HCN2: variants seen among roughly 807,000 people sequenced by gnomAD.
The protein encoded by HCN2 is potassium/sodium hyperpolarization-activated cyclic nucleotide-gated channel 2.
HCN2 carries 20 observed loss-of-function variants against 52.3 expected under a neutral mutation model. The observed-to-expected ratio is 0.38, with a 90% confidence interval of 0.27 to 0.56. The LOEUF (loss-of-function observed/expected upper bound fraction) is 0.56, where lower values mean the gene tolerates loss of function less well. Ranked by LOEUF, HCN2 falls within the 20% of genes least tolerant of loss-of-function variation. The pLI, the probability that HCN2 is intolerant of heterozygous loss-of-function variation, is 0.71. For synonymous variants in HCN2, 694 were observed against 537.0 expected (o/e 1.29, Z -4.04); for missense variants, 981 against 1,207.7 (o/e 0.81, Z 2.78).
At position 607,969 on chromosome 19, in the gene HCN2, C is replaced by G. The variant is rs757678695; in HGVS notation, c.1224C>G (p.His408Gln). 6.2e-7 allele frequency: 1 copy of G among 1,610,810 alleles called. No individual in the cohort carries two copies. ...CWVSINGMVN[H>Q]SWSELYSFAL... ...CCCTCCTGCTGGCCTTGCAGAACCA[C>G]TCGTGGAGTGAACTGTACTCCTTCG... The change falls in exon 4 of 8, where the codon CAC (histidine) becomes CAG (glutamine). Residue 408 changes from histidine (H) to glutamine (Q), a missense_variant. Around this residue, in one of 6 missense-constraint regions of HCN2, gnomAD observed 282 missense variants for 553.8 expected, o/e 0.51. Transcript: ENST00000251287.
intron 1 of HCN2, among the ~76,000 whole-genome samples, chr19:596,878 C>G (rs1983046482): frequency 6.6e-6 from 1 of 152,090 alleles, no homozygotes; most frequent in Non-Finnish European, 1.5e-5. Flanking sequence ...GTCACTCAGT[C>G]TAGTGTTGGG....
chr19:613,154 CTG>C (rs979208618), intron 5 of HCN2, 92 bp from the exon 6 acceptor site: 97 of 1,446,268 alleles, frequency 6.7e-5, no homozygotes, highest in Middle Eastern at 4.9e-4. Context: ...GACGAGGAAA[CTG>C]GGGTCCGAGA....
chr19:615,983 A>C lies in HCN2; in HGVS notation c.2179A>C (p.Ile727Leu), dbSNP rs756914654. Residue 727 changes from isoleucine (I) to leucine (L), a missense_variant, in exon 8 of 8, where the codon ATC (isoleucine) becomes CTC (leucine). Coordinates refer to ENST00000251287, the MANE Select transcript of HCN2 (RefSeq NM_001194.4). The stretch of plus-strand genomic sequence containing the variant: ...GCCGCCGCCGCAGGTCACCTCGGCC[A>C]TCGCCACGCTGCAGCAGGCGGCGGC... Reference protein sequence around the residue: ...PPPPPQVTSAIATLQQAAAMS... With the variant: ...PPPPPQVTSALATLQQAAAMS... 26 of 1,591,932 alleles carry C rather than the reference A, an allele frequency of 1.6e-5. No individual in the cohort carries two copies. The highest frequency in any genetic ancestry group is 8.5e-7 in the Non-Finnish European group (1 of 1,172,668).
chr19:606,898 G>A (rs1190775034), intron 3 of HCN2, among the ~76,000 whole-genome samples: 24 of 146,286 alleles, frequency 1.6e-4, no homozygotes, highest in African/African-American at 5.2e-5. Context: ...GAGGCCGGGC[G>A]CGGTGGCTCA....
At chr19:614,684 G>A (rs116242799) in intron 7 of HCN2, among the ~76,000 whole-genome samples, 1,524 of 152,164 alleles carry the variant, frequency 0.01, 28 homozygotes, top group African/African-American at 0.034. Context: ...GTGGGCGGCA[G>A]GGAGAGTTTA....
intron 4 of HCN2, 52 bp downstream of exon 4, chr19:608,234 G>A (rs933497650): frequency 5.2e-6 from 8 of 1,532,032 alleles, no homozygotes; most frequent in African/African-American, 1.4e-5. Context: ...GGCGGGCCTG[G>A]ATCTGGGGTC....
intron 5 of HCN2, among the ~76,000 whole-genome samples, chr19:612,395 T>TGGGTGG (rs1309811893): frequency 3.6e-4 from 14 of 38,464 alleles, no homozygotes; most frequent in South Asian, 6.0e-4. Context: ...TTTCCACTGG[T>TGGGTGG]GTGTGTGTGT....
intron 1 of HCN2, among the ~76,000 whole-genome samples, chr19:599,592 A>T (rs1983137083): frequency 6.6e-6 from 1 of 151,820 alleles, no homozygotes. Flanking sequence ...ATCCTGGCTA[A>T]CATGGTGAAA....
intron 3 of HCN2, among the ~76,000 whole-genome samples, chr19:607,334 C>T (rs1401454667): frequency 6.6e-6 from 1 of 152,238 alleles, no homozygotes; most frequent in Non-Finnish European, 1.5e-5. Flanking sequence ...TGTGCCCCAG[C>T]GTCCAGCCAC....
Position 613,416 on chromosome 19 carries a change from C to T in HCN2, c.1753C>T (p.Gln585Ter). Residue 585 changes from glutamine (Q) to a stop codon, truncating the protein, a stop_gained, in exon 6 of 8, where the codon CAG becomes TAG. Transcript: ENST00000251287. LOFTEE classifies it high-confidence loss of function. ...CATCGGGAAGAAGATGTACTTCATC[C>T]AGCACGGCGTGGTCAGCGTGCTCAC... Reference protein sequence around the residue: ...GTIGKKMYFIQHGVVSVLTKG... With the variant: ...GTIGKKMYFI 6.2e-7 allele frequency: 1 copy of T among 1,612,234 alleles called. No individual in the cohort carries two copies. Among genetic ancestry groups the T allele is most frequent in the South Asian group, 1.1e-5 (1 of 91,016 alleles).
intron 5 of HCN2, among the ~76,000 whole-genome samples, chr19:612,841 G>A (rs1392106357): frequency 8.2e-5 from 10 of 122,060 alleles, no homozygotes; most frequent in Non-Finnish European, 1.7e-4. Flanking sequence ...ACCACGCCTG[G>A]CTGTTTTTTT....
chr19:604,717 G>GAT (rs1983350238), intron 2 of HCN2, among the ~76,000 whole-genome samples: 1 of 91,302 alleles, frequency 1.1e-5, no homozygotes, highest in African/African-American at 5.4e-5. Flanking sequence ...CTGGGGCAGG[G>GAT]CCAGACATCA....
chr19:596,804 G>T (rs1415241747), intron 1 of HCN2, among the ~76,000 whole-genome samples: 2 of 152,082 alleles, frequency 1.3e-5, no homozygotes, highest in Non-Finnish European at 2.9e-5. Flanking sequence ...CCCCTCTCTG[G>T]GGTCCTGTCT....
intron 5 of HCN2, among the ~76,000 whole-genome samples, chr19:612,013 T>C (rs989940360): frequency 2.6e-5 from 4 of 151,868 alleles, no homozygotes; most frequent in African/African-American, 4.8e-5. Flanking sequence ...GGCGTGGTGG[T>C]GGGCGCCTGT....
intron 3 of HCN2, among the ~76,000 whole-genome samples, chr19:605,924 T>C (rs958385246): frequency 3.9e-5 from 6 of 152,164 alleles, no homozygotes; most frequent in Non-Finnish European, 8.8e-5. Context: ...GCCCCGGCAC[T>C]GGCCCCTTAA....
chr19:615,334 C>G (rs965482763), intron 7 of HCN2, among the ~76,000 whole-genome samples: 1 of 151,354 alleles, frequency 6.6e-6, no homozygotes, highest in Non-Finnish European at 1.5e-5. Context: ...ATGGTGAAAC[C>G]CCGTCTCTAC....
chr19:608,753 A>G (rs7252916), intron 4 of HCN2, among the ~76,000 whole-genome samples: 10,217 of 151,810 alleles, frequency 0.067, 771 homozygotes, highest in African/African-American at 0.17. Context: ...GGGCTGGGTT[A>G]GGGAAGGGCC....
Position 591,770 on chromosome 19 carries a change from C to T in HCN2, c.632+1193C>T, listed in dbSNP as rs1982881208. On this transcript the variant is annotated intron_variant, in intron 1 of 7. Coordinates refer to ENST00000251287, the MANE Select transcript of HCN2 (RefSeq NM_001194.4). This position sits in a 1 kb window ranked among gnomAD's most constrained non-coding sequence, Gnocchi z 4.1. ...GCGCCCCAGGACAGCCCCCACGGAC[C>T]CTGGACCCCCGGAACTGGGCAGGGA... Among the ~76,000 whole-genome samples the T allele has an allele frequency of 6.6e-6, 1 of 152,154 alleles. No individual in the cohort carries two copies. The highest frequency in any genetic ancestry group is 1.5e-5 in the Non-Finnish European group (1 of 68,012).
chr19:593,036 C>T (rs1375547778), intron 1 of HCN2, among the ~76,000 whole-genome samples: 4 of 152,180 alleles, frequency 2.6e-5, no homozygotes, highest in African/African-American at 9.6e-5. Flanking sequence ...GTCTCACACT[C>T]TCTTCACCTC....
Sources: gnomAD v4.1 joint callset for allele counts (sites outside exome capture counted in the v4.1 genomes callset) on GRCh38, gnomAD v4.1.1 for gene constraint, gnomAD v4.1.1 regional missense constraint, Gnocchi (gnomAD v3.1) non-coding constraint, MANE v1.5 for transcripts, NCBI Gene and HGNC (gene_info 2026-07-23, HGNC 2026-07-21) for gene names.